The following MLLT6 variants were observed in gnomAD, a reference collection of about 807,000 sequenced individuals.
The protein encoded by MLLT6 is protein AF-17.
In MLLT6, 22 loss-of-function variants were observed where a neutral mutation model predicts 103.0. That is an observed-to-expected ratio of 0.21 (90% CI 0.15 to 0.31). The LOEUF (loss-of-function observed/expected upper bound fraction) is 0.31. Ranked by LOEUF, MLLT6 falls within the 10% of genes least tolerant of loss-of-function variation. The pLI is 1.00. For synonymous variants in MLLT6, 606 were observed against 623.5 expected (o/e 0.97, Z 0.42); for missense variants, 1,199 against 1,441.7 (o/e 0.83, Z 2.73).
rs1373418940 is a variant in MLLT6, at chr17:38,716,319, G to A, written c.1037-48G>A. ...CCAGTACACGCGGGAGTGGGAGGGA[G>A]TGCGGGGATCTGGGGTCCAGCTGTA... is the stretch of plus-strand genomic sequence containing the variant. On this transcript the variant is annotated intron_variant, in intron 9 of 19. Transcript: ENST00000621332. This position sits in a 1 kb window ranked among gnomAD's most constrained non-coding sequence, Gnocchi z 5.6. 1.9e-6 allele frequency: 3 copies of A among 1,569,624 alleles called. No homozygotes were observed. The highest frequency in any genetic ancestry group is 1.2e-5 in the South Asian group (1 of 85,842).
At position 38,719,792 on chromosome 17, in the gene MLLT6, C is replaced by A; in HGVS notation, c.2052C>A (p.Ala684=). ...TCCCCGCACTCTTCGACCAGACAGC[C>A]TCTGCACCCTGTGGGGGCGGCCAGT... is the stretch of plus-strand genomic sequence containing the variant. ...SSLPALFDQT[A]SAPCGGGQLD... Residue 684 remains alanine, a synonymous_variant, in exon 14 of 20, where the codon GCC becomes GCA. Transcript: ENST00000621332. The A allele has an allele frequency of 1.9e-6, 3 of 1,613,514 alleles. No homozygotes were observed. The highest frequency in any genetic ancestry group is 2.5e-6 in the Non-Finnish European group (3 of 1,179,874).
Position 38,716,632 on chromosome 17 carries a change from G to T in MLLT6, c.1302G>T (p.Gly434=), listed in dbSNP as rs745908007. 84 of 1,613,776 alleles carry T rather than the reference G, an allele frequency of 5.2e-5. No homozygotes were observed. Among genetic ancestry groups the T allele is most frequent in the Admixed American group, 3.7e-4 (22 of 60,004 alleles). ...ACTATAAGTCTCCCCACGTCACGGG[G>T]TCTGGGGCCTCGGCAGGCACCCACA... The part of the protein sequence containing the change: ...PGDYKSPHVT[G]SGASAGTHKR... Residue 434 remains glycine (G), a synonymous_variant, in exon 10 of 20, where the codon GGG becomes GGT. Transcript: ENST00000621332. This position sits in a 1 kb window ranked among gnomAD's most constrained non-coding sequence, Gnocchi z 5.6.
Position 38,724,413 on chromosome 17 carries a change from A to G in MLLT6, c.2884-207A>G, listed in dbSNP as rs115754294. 4.2e-3 allele frequency: 2,155 copies of G among 518,096 alleles called. 56 individuals carry two copies. Among genetic ancestry groups the G allele is most frequent in the African/African-American group, 0.038 (1,954 of 51,350 alleles). 32.1% of individuals were successfully genotyped at this position (518,096 alleles called of 1,614,324 possible). On this transcript the variant is annotated intron_variant, in intron 18 of 19. Transcript: ENST00000621332. The surrounding 1 kb of genome is among the most constrained non-coding windows in gnomAD (Gnocchi z 5.4). The stretch of plus-strand genomic sequence containing the variant: ...TTGGCCGGCAGTGCTGCAGCTGGCA[A>G]ATACCAATGGCGTGCAACCATTTTC...
rs1905990076 is a variant in MLLT6 at position 38,725,715 on chromosome 17, G to A, written c.*117G>A. ...CCTGGAGAGCCTTGACCCAGAGCCT[G>A]TGCTGAGGTCCAGGGAGTGTGGAGA... On this transcript the variant is annotated 3_prime_UTR_variant, in exon 20 of 20. Coordinates refer to ENST00000621332, the MANE Select transcript of MLLT6 (RefSeq NM_005937.4). 4.5e-6 allele frequency: 4 copies of A among 880,872 alleles called. No homozygotes were observed. Among genetic ancestry groups the A allele is most frequent in the Non-Finnish European group, 6.9e-6 (4 of 578,970 alleles). The allele number at this position is 880,872 out of a possible 1,614,324, so 54.6% of individuals were successfully genotyped here.
intron 18 of MLLT6, among the ~76,000 whole-genome samples, chr17:38,723,974 C>T (rs1905890723): frequency 1.3e-5 from 2 of 151,958 alleles, no homozygotes; most frequent in Admixed American, 6.6e-5. Context: ...AACTCCTGAC[C>T]TCAAGTGATC....
rs1906017081 is a variant in MLLT6 at position 38,726,119 on chromosome 17, C to CA, written c.*522dup. 1 of 234,966 alleles carries CA rather than the reference C, an allele frequency of 4.3e-6. No homozygotes were observed. The highest frequency in any genetic ancestry group is 5.6e-5 in the Admixed American group (1 of 17,818). The allele number at this position is 234,966 out of a possible 1,614,324, so 14.6% of individuals were successfully genotyped here. The stretch of plus-strand genomic sequence containing the variant: ...GACTTTTTCTCGCCATCCCTCCCCC[C>CA]AGCGCAGGGGCACAAGCTGAGCTTG... On this transcript the variant is annotated 3_prime_UTR_variant, in exon 20 of 20. Coordinates refer to ENST00000621332, the MANE Select transcript of MLLT6 (RefSeq NM_005937.4).
In MLLT6 at chr17:38,724,062, A is replaced by T. The variant is rs1175608887; in HGVS notation, c.2884-558A>T. Among the ~76,000 whole-genome samples the T allele has an allele frequency of 6.6e-6, 1 of 151,938 alleles. No individual in the cohort carries two copies. The highest frequency in any genetic ancestry group is 6.6e-5 in the Admixed American group (1 of 15,238). ...CCGGCGAATTGAAAACTATTGACCT[A>T]GTCAGTAGTTTTGGCGAAACCCCGT... On this transcript the variant is annotated intron_variant, in intron 18 of 19. Coordinates refer to ENST00000621332, the MANE Select transcript of MLLT6 (RefSeq NM_005937.4). The surrounding 1 kb of genome is among the most constrained non-coding windows in gnomAD (Gnocchi z 5.4).
At chr17:38,719,407 C>G (rs566488194) in intron 12 of MLLT6, 110 bp from the exon 13 acceptor site, 1 of 1,011,782 alleles carries the variant, frequency 9.9e-7, no homozygotes, top group Non-Finnish European at 1.5e-6. Flanking sequence ...TTGGGGATTC[C>G]TGGGGAAAGG....
Position 38,709,220 on chromosome 17 carries a change from G to C in MLLT6, c.402G>C (p.Ser134=), listed in dbSNP as rs144559323. 3 of 1,612,888 alleles carry C rather than the reference G, an allele frequency of 1.9e-6. No individual in the cohort carries two copies. Among genetic ancestry groups the C allele is most frequent in the Admixed American group, 3.4e-5 (2 of 59,574 alleles). ...AGGGCCGGGAGAGCAAGGCGGCCTC[G>C]GGAGCCTGCATGACCTGTAACCGCC... ...EEQGRESKAA[S]GACMTCNRHG... Residue 134 remains serine (S), a synonymous_variant, in exon 5 of 20, where the codon TCG becomes TCC. Transcript: ENST00000621332. This position sits in a 1 kb window ranked among gnomAD's most constrained non-coding sequence, Gnocchi z 4.3.
rs879917872 is a variant in MLLT6, at chr17:38,727,785, ACT to A, written c.*2190_*2191del. On this transcript the variant is annotated 3_prime_UTR_variant, in exon 20 of 20. Coordinates refer to ENST00000621332, the MANE Select transcript of MLLT6 (RefSeq NM_005937.4). ...ACTCCAGCCTGTGTGAGAGAGTGAG[ACT>A]CTGTCTCAAAAGAGAAAAAAAAAGA... 2 of 225,222 alleles carry A rather than the reference ACT, an allele frequency of 8.9e-6. No individual in the cohort carries two copies. The highest frequency in any genetic ancestry group is 2.2e-5 in the African/African-American group (1 of 44,718). The allele number at this position is 225,222 out of a possible 1,614,324, so 14.0% of individuals were successfully genotyped here.
In MLLT6 at chr17:38,717,426, C is replaced by T. The variant is rs757256291; in HGVS notation, c.1652-6C>T. ...CACGTGCTTCCCTCTGTCCTTGTGC[C>T]TGCAGGCATCTACACCAGTAATAAG... On this transcript the variant is annotated splice_polypyrimidine_tract_variant and splice_region_variant and intron_variant, in intron 10 of 19. Transcript: ENST00000621332. The T allele has an allele frequency of 3.2e-6, 5 of 1,585,110 alleles. No individual in the cohort carries two copies. The highest frequency in any genetic ancestry group is 3.4e-4 in the Middle Eastern group (2 of 5,950).
At chr17:38,720,267 CT>C in intron 14 of MLLT6, 104 bp from the exon 15 acceptor site, 1 of 1,172,310 alleles carries the variant, frequency 8.5e-7, no homozygotes, top group Non-Finnish European at 1.2e-6. Flanking sequence ...ATGGCGCCGC[CT>C]TTTCAAGGGC....
Position 38,726,738 on chromosome 17 carries a change from G to T in MLLT6, c.*1140G>T. Reference sequence around the variant, plus strand: ...GGCACAAGGGGAGCCCCAGGGCTTGGGGGAGGGCGTAAGGTGGGGGGAAAT... The same window carrying T: ...GGCACAAGGGGAGCCCCAGGGCTTGTGGGAGGGCGTAAGGTGGGGGGAAAT... On this transcript the variant is annotated 3_prime_UTR_variant, in exon 20 of 20. Transcript: ENST00000621332. 1 of 233,570 alleles carries T rather than the reference G, an allele frequency of 4.3e-6. No homozygotes were observed. The highest frequency in any genetic ancestry group is 8.5e-6 in the Non-Finnish European group (1 of 118,050). The allele number at this position is 233,570 out of a possible 1,614,324, so 14.5% of individuals were successfully genotyped here.
chr17:38,725,715 G>C lies in MLLT6; in HGVS notation c.*117G>C. 2 of 880,872 alleles carry C rather than the reference G, an allele frequency of 2.3e-6. No homozygotes were observed. Among genetic ancestry groups the C allele is most frequent in the Non-Finnish European group, 1.7e-6 (1 of 578,970 alleles). The allele number at this position is 880,872 out of a possible 1,614,324, so 54.6% of individuals were successfully genotyped here. A position where few individuals can be genotyped will look rare whatever the true frequency, so the allele number is the denominator to read the frequency against. ...CCTGGAGAGCCTTGACCCAGAGCCT[G>C]TGCTGAGGTCCAGGGAGTGTGGAGA... On this transcript the variant is annotated 3_prime_UTR_variant, in exon 20 of 20. Coordinates refer to ENST00000621332, the MANE Select transcript of MLLT6 (RefSeq NM_005937.4).
At chr17:38,719,931 T>TA in intron 14 of MLLT6, 36 bp downstream of exon 14, 1 of 1,537,026 alleles carries the variant, frequency 6.5e-7, no homozygotes. Context: ...ACGCCTGCCC[T>TA]AGGGCCCTAA....
rs201581348 is a variant in MLLT6 at position 38,711,868 on chromosome 17, G to C, written c.574G>C (p.Gly192Arg). 6.3e-6 allele frequency: 10 copies of C among 1,585,008 alleles called. No homozygotes were observed. The highest frequency in any genetic ancestry group is 1.4e-5 in the African/African-American group (1 of 74,012). ...SKMKTSRHSS[G>R]GGGGGAGGGG... ...GCAGAAGACATCCCGGCACAGCAGC[G>C]GGGGAGGCGGAGGAGGCGCTGGAGG... The change falls in exon 7 of 20, where the codon GGG becomes CGG. Residue 192 changes from glycine to arginine, a missense_variant. Gly to Arg is a moderately radical substitution (Grantham distance 125, BLOSUM62 -2). Coordinates refer to ENST00000621332, the MANE Select transcript of MLLT6 (RefSeq NM_005937.4).
At chr17:38,717,033 A>G (rs555548599) in intron 10 of MLLT6, 52 bp downstream of exon 10, 1 of 1,603,744 alleles carries the variant, frequency 6.2e-7, no homozygotes, top group South Asian at 1.1e-5. Context: ...CAGTCTAGTG[A>G]GGAACAGAGC....
At position 38,712,030 on chromosome 17, in the gene MLLT6, C is replaced by G. The variant is rs539272926; in HGVS notation, c.720+16C>G. ...CCAGAAGAAGGTAGAAGTCCTCCCCCACCTGCCATCACTCCCACACGGGGA... is the reference window on the plus strand; with the variant it reads ...CCAGAAGAAGGTAGAAGTCCTCCCCGACCTGCCATCACTCCCACACGGGGA... On this transcript the variant is annotated intron_variant, in intron 7 of 19. Transcript: ENST00000621332. 1.7e-5 allele frequency: 26 copies of G among 1,532,462 alleles called. No homozygotes were observed. Among genetic ancestry groups the G allele is most frequent in the Non-Finnish European group, 2.1e-5 (24 of 1,138,160 alleles). 94.9% of individuals were successfully genotyped at this position (1,532,462 alleles called of 1,614,324 possible). A position where few individuals can be genotyped will look rare whatever the true frequency, so the allele number is the denominator to read the frequency against.
chr17:38,720,341 C>CCCTCCCTCAGGTTCCTCGCT (rs1462985916), intron 14 of MLLT6, 31 bp from the exon 15 acceptor site: 4 of 1,561,418 alleles, frequency 2.6e-6, no homozygotes, highest in Non-Finnish European at 3.5e-6. Flanking sequence ...GCCCCCTCGC[C>CCCTCCCTCAGGTTCCTCGCT]CCTCCCTCAG....
Sources: allele counts gnomAD v4.1 joint callset (sites outside exome capture counted in the v4.1 genomes callset), GRCh38; gene constraint gnomAD v4.1.1; non-coding constraint Gnocchi (gnomAD v3.1); transcripts MANE v1.5; gene names NCBI Gene and HGNC (gene_info 2026-07-23, HGNC 2026-07-21).